TCP11L2: variants seen among roughly 807,000 people sequenced by gnomAD.
The protein encoded by TCP11L2 is T-complex protein 11-like protein 2.
A neutral mutation model predicts 50.7 loss-of-function variants in TCP11L2; 39 were observed. The ratio of observed to expected loss-of-function variants is 0.77; its 90% CI spans 0.60 to 1.01. The LOEUF (loss-of-function observed/expected upper bound fraction) is 1.01, where lower values mean the gene tolerates loss of function less well. Ranked by LOEUF, TCP11L2 falls within the 50% of genes least tolerant of loss-of-function variation. The pLI is 0.00. For missense variants in TCP11L2, 612 were observed against 614.7 expected (o/e 1.00, Z 0.05); for synonymous variants, 192 against 219.3 (o/e 0.88, Z 1.10).
chr12:106,327,078 C>A (rs2243455), intron 6 of TCP11L2, among the ~76,000 whole-genome samples: 88,126 of 152,070 alleles, frequency 0.58, 26,191 homozygotes, highest in East Asian at 0.95. Flanking sequence ...CCATATCTTT[C>A]ATCAAGATAG....
intron 5 of TCP11L2, among the ~76,000 whole-genome samples, chr12:106,322,053 C>T (rs563098072): frequency 2.9e-4 from 44 of 152,236 alleles, no homozygotes; most frequent in African/African-American, 9.6e-4. Flanking sequence ...CTTAATAGAG[C>T]CTCCGACAAG....
chr12:106,331,321 A>AAAAAGAAAAG (rs79569938), intron 6 of TCP11L2, among the ~76,000 whole-genome samples: 192 of 151,218 alleles, frequency 1.3e-3, no homozygotes, highest in African/African-American at 3.8e-3. Flanking sequence ...TGGTATCTAC[A>AAAAAGAAAAG]AAAAGAAAAG....
chr12:106,307,388 G>T (rs1490421831), intron 1 of TCP11L2: 1 of 152,216 alleles, frequency 6.6e-6, no homozygotes, highest in African/African-American at 2.4e-5. Context: ...GAGATGTGAT[G>T]TTTCTGAAAA....
At chr12:106,338,957 A>G (rs2036006267) in intron 8 of TCP11L2, among the ~76,000 whole-genome samples, 1 of 152,214 alleles carries the variant, frequency 6.6e-6, no homozygotes, top group Non-Finnish European at 1.5e-5. Flanking sequence ...TCTGCCCAAG[A>G]TGGCGAAACC....
intron 2 of TCP11L2, among the ~76,000 whole-genome samples, chr12:106,312,893 AT>A (rs1194482784): frequency 1.3e-5 from 2 of 152,128 alleles, no homozygotes; most frequent in Non-Finnish European, 2.9e-5. Flanking sequence ...GGAAAAAAAA[AT>A]AAATTAGGTA....
chr12:106,343,544 C>A (rs1255903729), intron 9 of TCP11L2, among the ~76,000 whole-genome samples: 4 of 152,108 alleles, frequency 2.6e-5, no homozygotes, highest in Non-Finnish European at 5.9e-5. Flanking sequence ...CCCCAATTCC[C>A]ATTACAATTC....
rs185457540 is a variant in TCP11L2 at position 106,344,593 on chromosome 12, A to G, written c.1316-1693A>G. On this transcript the variant is annotated intron_variant, in intron 9 of 9. Transcript: ENST00000299045. The stretch of plus-strand genomic sequence containing the variant: ...GAATTCTAAGACATAGACATTGGAA[A>G]CAAGTTCTAGGTCAGACCTAGCTGG... Among the ~76,000 whole-genome samples the G allele has an allele frequency of 2.0e-5, 3 of 152,374 alleles. No individual in the cohort carries two copies. In the East Asian group the frequency reaches 5.8e-4, roughly 29 times the overall value.
At chr12:106,302,603 T>C (rs2034457685), upstream of TCP11L2, among the ~76,000 whole-genome samples, 1 of 151,608 alleles carries the variant, frequency 6.6e-6, no homozygotes, top group African/African-American at 2.4e-5. Context: ...TCCGAGCTGT[T>C]CTCGGCCTCT....
chr12:106,302,148 T>A (rs1292272858), upstream of TCP11L2, among the ~76,000 whole-genome samples: 6 of 152,076 alleles, frequency 3.9e-5, no homozygotes, highest in Non-Finnish European at 7.4e-5. Flanking sequence ...CCAGTTCCGA[T>A]TGCCCCGTCT....
chr12:106,339,496 A>G (rs575078948), intron 8 of TCP11L2, among the ~76,000 whole-genome samples: 213 of 152,140 alleles, frequency 1.4e-3, no homozygotes, highest in Admixed American at 3.7e-3. Flanking sequence ...CCACTTGTCT[A>G]TTTTTGCTTT....
At chr12:106,346,202 A>G in intron 9 of TCP11L2, 84 bp from the exon 10 acceptor site, 1 of 1,376,878 alleles carries the variant, frequency 7.3e-7, no homozygotes, top group East Asian at 2.4e-5. Flanking sequence ...ATTGCAGTCA[A>G]CCTACTACAA....
At chr12:106,335,613 C>CA in intron 6 of TCP11L2, 26 bp from the exon 7 acceptor site, 2 of 1,609,868 alleles carry the variant, frequency 1.2e-6, no homozygotes, top group Non-Finnish European at 1.7e-6. Context: ...AGCTGTAGAA[C>CA]AAATATGTGG....
At chr12:106,312,255 CCATTT>C in intron 2 of TCP11L2, 4 of 310,262 alleles carry the variant, frequency 1.3e-5, no homozygotes, top group South Asian at 2.2e-5. Flanking sequence ...CATTTAGTTT[CCATTT>C]TTTTTTTTTT....
At chr12:106,311,811 G>A (rs2034863889) in intron 2 of TCP11L2, among the ~76,000 whole-genome samples, 1 of 151,986 alleles carries the variant, frequency 6.6e-6, no homozygotes, top group Admixed American at 6.5e-5. Flanking sequence ...CTAGAGATGG[G>A]TAAAGCAGAT....
rs2034998297 is a variant in TCP11L2, at chr12:106,314,563, G to T, written c.293+70G>T. On this transcript the variant is annotated intron_variant, in intron 3 of 9. Coordinates refer to ENST00000299045, the MANE Select transcript of TCP11L2 (RefSeq NM_152772.3). ...TGTGTGTGTGTGTGTGTGTGTGTGTGTGTGTGTGTGTGTGAGAGAGAGAGA... is the reference window on the plus strand; with the variant it reads ...TGTGTGTGTGTGTGTGTGTGTGTGTTTGTGTGTGTGTGTGAGAGAGAGAGA... 9 of 973,434 alleles carry T rather than the reference G, an allele frequency of 9.2e-6. No homozygotes were observed. In the South Asian group the frequency reaches 1.1e-4, roughly 12 times the overall value. 60.3% of individuals were successfully genotyped at this position (973,434 alleles called of 1,614,324 possible).
At chr12:106,310,514 C>A (rs1050446201) in intron 1 of TCP11L2, among the ~76,000 whole-genome samples, 12 of 152,176 alleles carry the variant, frequency 7.9e-5, no homozygotes, top group Non-Finnish European at 1.8e-4. Context: ...GCAATAGGAG[C>A]AATAATAGCA....
chr12:106,303,021 C>T (rs1386659521), intron 1 of TCP11L2, 80 bp downstream of exon 1: 1 of 152,410 alleles, frequency 6.6e-6, no homozygotes, highest in Non-Finnish European at 1.5e-5. Flanking sequence ...CGCTGCAGCC[C>T]GAAGGCTCCC....
Position 106,332,686 on chromosome 12 carries a change from G to A in TCP11L2, c.773-2953G>A, listed in dbSNP as rs564862165. Among the ~76,000 whole-genome samples, 12 of 152,266 alleles carry A rather than the reference G, an allele frequency of 7.9e-5. 1 individual carries two copies. The South Asian group carries it at 2.5e-3, about 32-fold the overall frequency. The stretch of plus-strand genomic sequence containing the variant: ...GTTCCTGATGAGGGCTTTCTTCCTG[G>A]CACTGCAGACATGCCTATTTCTCAG... On this transcript the variant is annotated intron_variant, in intron 6 of 9. Coordinates refer to ENST00000299045, the MANE Select transcript of TCP11L2 (RefSeq NM_152772.3).
chr12:106,320,741 A>G (rs2035305107), intron 4 of TCP11L2, among the ~76,000 whole-genome samples: 1 of 152,256 alleles, frequency 6.6e-6, no homozygotes, highest in Non-Finnish European at 1.5e-5. Context: ...TTATTGTAAC[A>G]TAAAAATTCA....
Sources: gnomAD v4.1 joint callset for allele counts (sites outside exome capture counted in the v4.1 genomes callset) on GRCh38, gnomAD v4.1.1 for gene constraint, MANE v1.5 for transcripts, NCBI Gene and HGNC (gene_info 2026-07-23, HGNC 2026-07-21) for gene names.